KLHL1: variants seen among roughly 807,000 people sequenced by gnomAD.
KLHL1 encodes kelch-like protein 1.
A neutral mutation model predicts 77.7 loss-of-function variants in KLHL1; 47 were observed. The ratio of observed to expected loss-of-function variants is 0.60; its 90% CI spans 0.48 to 0.77. The LOEUF (loss-of-function observed/expected upper bound fraction) is 0.77. Ranked by LOEUF, KLHL1 falls within the 30% of genes least tolerant of loss-of-function variation. The pLI is 0.00. For synonymous variants in KLHL1, 360 were observed against 325.2 expected (o/e 1.11, Z -1.15); for missense variants, 925 against 910.8 (o/e 1.02, Z -0.20).
intron 1 of KLHL1, among the ~76,000 whole-genome samples, chr13:70,039,738 CAA>C (rs1886328887): frequency 6.7e-6 from 1 of 149,560 alleles, no homozygotes; most frequent in African/African-American, 2.5e-5. Flanking sequence ...CTCCTGGACT[CAA>C]GAGATTCTCA....
In KLHL1 at chr13:69,784,316, C is replaced by CCAAACTCACACATAA. The variant is rs564509704; in HGVS notation, c.1639+12407_1639+12421dup. On this transcript the variant is annotated intron_variant, in intron 7 of 10. Coordinates refer to ENST00000377844, the MANE Select transcript of KLHL1 (RefSeq NM_020866.3). The stretch of plus-strand genomic sequence containing the variant: ...ACCAGCTAACATCATAATGACAGGA[C>CCAAACTCACACATAA]CAAACTCACACATAACAATGTTAAC... Among the ~76,000 whole-genome samples the CCAAACTCACACATAA allele has an allele frequency of 9.5e-3, 1,448 of 151,748 alleles. 24 individuals carry two copies. The highest frequency in any genetic ancestry group is 0.033 in the African/African-American group (1,363 of 41,084).
chr13:69,765,402 CCA>C (rs1875251389), intron 7 of KLHL1, among the ~76,000 whole-genome samples: 1 of 152,074 alleles, frequency 6.6e-6, no homozygotes, highest in Non-Finnish European at 1.5e-5. Flanking sequence ...ATGTCTCAGA[CCA>C]TCCTTTGCTT....
At chr13:70,003,435 T>C (rs1488517047) in intron 1 of KLHL1, among the ~76,000 whole-genome samples, 3 of 151,718 alleles carry the variant, frequency 2.0e-5, no homozygotes, top group African/African-American at 7.2e-5. Context: ...TCAATTGATA[T>C]TTTAAGCTGA....
chr13:69,887,635 T>C (rs1182444324), intron 4 of KLHL1, among the ~76,000 whole-genome samples: 1 of 152,188 alleles, frequency 6.6e-6, no homozygotes, highest in Non-Finnish European at 1.5e-5. Context: ...TCAGCTAAGT[T>C]CTTTGCCACT....
At chr13:69,998,186 G>A (rs969975219) in intron 1 of KLHL1, among the ~76,000 whole-genome samples, 2 of 152,060 alleles carry the variant, frequency 1.3e-5, no homozygotes, top group African/African-American at 4.8e-5. Context: ...CAGTTCCAAA[G>A]CAAGAGAAGC....
chr13:69,950,872 A>C (rs1192838104), intron 3 of KLHL1, among the ~76,000 whole-genome samples: 1 of 151,628 alleles, frequency 6.6e-6, no homozygotes. Flanking sequence ...AACTTGAATC[A>C]GCCCACAGAA....
intron 6 of KLHL1, among the ~76,000 whole-genome samples, chr13:69,819,595 G>T (rs1308887230): frequency 6.7e-6 from 1 of 150,356 alleles, no homozygotes; most frequent in Non-Finnish European, 1.5e-5. Flanking sequence ...GCTGTAAGTA[G>T]TCATTCAACA....
intron 5 of KLHL1, among the ~76,000 whole-genome samples, chr13:69,840,366 G>T (rs1462762589): frequency 6.6e-6 from 1 of 151,816 alleles, no homozygotes; most frequent in Non-Finnish European, 1.5e-5. Flanking sequence ...TGGGATTACA[G>T]ATGTGCACCA....
At chr13:70,062,271 T>A (rs1251171323) in intron 1 of KLHL1, among the ~76,000 whole-genome samples, 1 of 152,220 alleles carries the variant, frequency 6.6e-6, no homozygotes, top group African/African-American at 2.4e-5. Context: ...ACAATTTATA[T>A]TTGAGATTTA....
chr13:69,760,808 C>T (rs1024241139), intron 7 of KLHL1, among the ~76,000 whole-genome samples: 2 of 152,106 alleles, frequency 1.3e-5, no homozygotes, highest in Admixed American at 1.3e-4. Flanking sequence ...GGGGAGTCCT[C>T]AATTTTAAAT....
chr13:69,791,919 T>C (rs1382205809), intron 7 of KLHL1, among the ~76,000 whole-genome samples: 1 of 152,070 alleles, frequency 6.6e-6, no homozygotes, highest in Non-Finnish European at 1.5e-5. Flanking sequence ...AATAAATAAA[T>C]AAATAGAATT....
At position 69,724,974 on chromosome 13, in the gene KLHL1, C is replaced by T. The variant is rs9542053; in HGVS notation, c.1803-5393G>A. On this transcript the variant is annotated intron_variant, in intron 8 of 10. Transcript: ENST00000377844. ...ACTTATTTCCCCCAAGCCTCACCAG[C>T]GTGATTTGGAGCAACTCAAGTGAAT... Among the ~76,000 whole-genome samples, 8 of 152,212 alleles carry T rather than the reference C, an allele frequency of 5.3e-5. 1 individual carries two copies. The highest frequency in any genetic ancestry group is 4.2e-4 in the South Asian group (2 of 4,818).
rs71196263 is a variant in KLHL1, at chr13:69,764,929, C to CTTTTTTTTTTTTTTTTT, written c.1640-24390_1640-24374dup. On this transcript the variant is annotated intron_variant, in intron 7 of 10. Coordinates refer to ENST00000377844, the MANE Select transcript of KLHL1 (RefSeq NM_020866.3). ...TCTCATGCTTTCATGTATATCTTTG[C>CTTTTTTTTTTTTTTTTT]TTTTTTTTTTTTTTTTTTTTTTTTT... is the stretch of plus-strand genomic sequence containing the variant. Among the ~76,000 whole-genome samples, 184 of 39,724 alleles carry CTTTTTTTTTTTTTTTTT rather than the reference C, an allele frequency of 4.6e-3. 73 individuals are homozygous for CTTTTTTTTTTTTTTTTT. Among genetic ancestry groups the CTTTTTTTTTTTTTTTTT allele is most frequent in the East Asian group, 0.011 (9 of 798 alleles). 26.1% of individuals were successfully genotyped at this position (39,724 alleles called of 152,430 possible).
At chr13:70,088,467 G>A (rs540122855) in intron 1 of KLHL1, among the ~76,000 whole-genome samples, 1 of 152,244 alleles carries the variant, frequency 6.6e-6, no homozygotes, top group Non-Finnish European at 1.5e-5. Context: ...GTCACTTGAG[G>A]TCAGGAGTTC....
At chr13:69,713,029 T>C (rs1875954999) in intron 9 of KLHL1, among the ~76,000 whole-genome samples, 1 of 152,102 alleles carries the variant, frequency 6.6e-6, no homozygotes, top group Non-Finnish European at 1.5e-5. Flanking sequence ...GAGATCTCAC[T>C]ATGTCACCCA....
chr13:69,856,494 C>A (rs951462558), intron 5 of KLHL1, among the ~76,000 whole-genome samples: 1 of 152,028 alleles, frequency 6.6e-6, no homozygotes, highest in Non-Finnish European at 1.5e-5. Context: ...TAATTGTTAG[C>A]TTGCAAGCAG....
intron 8 of KLHL1, among the ~76,000 whole-genome samples, chr13:69,734,367 CT>C (rs1374263613): frequency 6.6e-6 from 1 of 152,090 alleles, no homozygotes; most frequent in Non-Finnish European, 1.5e-5. Flanking sequence ...CCAAGTAAAG[CT>C]TTTTCTTTAT....
At chr13:69,938,559 C>T (rs762117801) in intron 4 of KLHL1, among the ~76,000 whole-genome samples, 13 of 152,032 alleles carry the variant, frequency 8.6e-5, no homozygotes, top group Non-Finnish European at 1.6e-4. Context: ...CATTATCCCT[C>T]TGGATATGGA....
chr13:69,702,730 T>C (rs1381593241), intron 10 of KLHL1, among the ~76,000 whole-genome samples: 1 of 151,786 alleles, frequency 6.6e-6, no homozygotes, highest in Non-Finnish European at 1.5e-5. Context: ...ACATGCTATT[T>C]ATTTTTTATT....
Sources: allele counts gnomAD v4.1 joint callset (sites outside exome capture counted in the v4.1 genomes callset), GRCh38; gene constraint gnomAD v4.1.1; transcripts MANE v1.5; gene names NCBI Gene and HGNC (gene_info 2026-07-23, HGNC 2026-07-21).